The following FSIP2 variants were observed in gnomAD, a reference collection of about 807,000 sequenced individuals.
FSIP2 encodes fibrous sheath-interacting protein 2.
FSIP2 carries 367 observed loss-of-function variants against 510.5 expected under a neutral mutation model. That is an observed-to-expected ratio of 0.72 (90% CI 0.66 to 0.78). FSIP2 has a LOEUF of 0.78. FSIP2 is among the 30% of genes least tolerant of loss of function. The pLI is 0.00. For synonymous variants in FSIP2, 2,601 were observed against 2,732.2 expected (o/e 0.95, Z 1.50); for missense variants, 7,594 against 7,901.7 (o/e 0.96, Z 1.48).
Position 185,762,554 on chromosome 2 carries a change from TCATCATCTTCCTGAC to T in FSIP2, c.1240+539_1240+553del, listed in dbSNP as rs531014903. ...CAAATTTAATACAAAACTCAATTCA[TCATCATCTTCCTGAC>T]CCTTTTATTTCACCCAGGCACAAAA... On this transcript the variant is annotated intron_variant, in intron 11 of 22. Transcript: ENST00000424728. Among the ~76,000 whole-genome samples, 102 of 151,586 alleles carry T rather than the reference TCATCATCTTCCTGAC, an allele frequency of 6.7e-4. 3 individuals carry two copies. In the South Asian group the frequency reaches 0.02, roughly 29 times the overall value.
chr2:185,812,254 G>A (rs1285799475), intron 17 of FSIP2, among the ~76,000 whole-genome samples: 1 of 152,080 alleles, frequency 6.6e-6, no homozygotes, highest in Non-Finnish European at 1.5e-5. Context: ...CCCTAGATGT[G>A]GGACATACAG....
intron 14 of FSIP2, among the ~76,000 whole-genome samples, chr2:185,785,162 C>A (rs1692941398): frequency 6.6e-6 from 1 of 152,028 alleles, no homozygotes; most frequent in South Asian, 2.1e-4. Context: ...TGCAGAATAT[C>A]TAAGAGGAAA....
chr2:185,800,672 A>C lies in FSIP2; in HGVS notation c.11366A>C (p.Gln3789Pro), dbSNP rs1016373871. ...GAGGAAACATCAGCAGAAGAATGTC[A>C]ACTTTTAAAAATGCTTCAAAGTGTA... ...VSEETSAEEC[Q>P]LLKMLQSVED... Residue 3789 changes from glutamine (Q) to proline (P), a missense_variant, in exon 17 of 23, where the codon CAA becomes CCA. Physicochemically the swap from Gln to Pro is moderately conservative, Grantham distance 76. Transcript: ENST00000424728. 1.3e-6 allele frequency: 2 copies of C among 1,534,184 alleles called. No individual in the cohort carries two copies. The highest frequency in any genetic ancestry group is 2.0e-5 in the Admixed American group (1 of 50,844).
chr2:185,750,192 C>T (rs1378036367), intron 7 of FSIP2, among the ~76,000 whole-genome samples: 1 of 151,446 alleles, frequency 6.6e-6, no homozygotes, highest in Non-Finnish European at 1.5e-5. Flanking sequence ...CTATGTATTC[C>T]ATCTTCAGAT....
chr2:185,795,166 CA>C lies in FSIP2; in HGVS notation c.8038del (p.Thr2680HisfsTer3), dbSNP rs755234663. 3.3e-6 allele frequency: 5 copies of C among 1,532,528 alleles called. No individual in the cohort carries two copies. Among genetic ancestry groups the C allele is most frequent in the Non-Finnish European group, 3.5e-6 (4 of 1,145,442 alleles). The allele number at this position is 1,532,528 out of a possible 1,614,324, so 94.9% of individuals were successfully genotyped here. A position where few individuals can be genotyped will look rare whatever the true frequency, so the allele number is the denominator to read the frequency against. ...RSKITTLPKF[T>X]KKTHLGLSAA... is the part of the protein sequence containing the mutation. Reference sequence around the variant, plus strand: ...AAAATTACCACTTTGCCTAAATTTACAAAAAAAACACACTTAGGACTGAGTG... The same window carrying C: ...AAAATTACCACTTTGCCTAAATTTACAAAAAAACACACTTAGGACTGAGTG... On this transcript the variant is annotated frameshift_variant, in exon 16 of 23. Transcript: ENST00000424728. LOFTEE classifies it high-confidence loss of function.
intron 19 of FSIP2, among the ~76,000 whole-genome samples, chr2:185,821,263 G>A (rs896467221): frequency 6.6e-6 from 1 of 151,770 alleles, no homozygotes; most frequent in African/African-American, 2.4e-5. Flanking sequence ...AAACTATAGT[G>A]AACAAATTTA....
chr2:185,808,045 G>A lies in FSIP2; in HGVS notation c.18739G>A (p.Ala6247Thr), dbSNP rs1236565511. Residue 6247 changes from alanine to threonine, a missense_variant, in exon 17 of 23, where the codon GCA (alanine) becomes ACA (threonine). Ala to Thr is a moderately conservative substitution (Grantham distance 58). Coordinates refer to ENST00000424728, the MANE Select transcript of FSIP2 (RefSeq NM_173651.4). ...ESPTVPVADNATIENIVNSIY... is the reference protein window; with the variant it reads ...ESPTVPVADNTTIENIVNSIY... ...ACCTACTGTGCCTGTAGCTGATAAT[G>A]CAACTATTGAAAACATAGTTAATTC... The A allele has an allele frequency of 1.9e-6, 3 of 1,611,034 alleles. No homozygotes were observed. Among genetic ancestry groups the A allele is most frequent in the Non-Finnish European group, 2.5e-6 (3 of 1,178,674 alleles).
chr2:185,812,613 G>A (rs573880744), intron 17 of FSIP2, among the ~76,000 whole-genome samples: 40 of 152,056 alleles, frequency 2.6e-4, no homozygotes, highest in Middle Eastern at 6.8e-3. Flanking sequence ...CTGTTTTAAG[G>A]TACCATAGAT....
At chr2:185,753,925 A>G in intron 8 of FSIP2, 83 bp downstream of exon 8, 1 of 916,186 alleles carries the variant, frequency 1.1e-6, no homozygotes, top group Non-Finnish European at 1.5e-6. Flanking sequence ...TACTCTGTGT[A>G]TTTACACTTG....
Position 185,790,635 on chromosome 2 carries a change from G to A in FSIP2, c.3499G>A (p.Ala1167Thr). 6.5e-7 allele frequency: 1 copy of A among 1,533,964 alleles called. No individual in the cohort carries two copies. Among genetic ancestry groups the A allele is most frequent in the Non-Finnish European group, 8.7e-7 (1 of 1,145,400 alleles). ...TTCTGTTTCAGAAATCAGTACAGTGGCTCAAGAAATAACAGATTCTGTGTT... is the reference window on the plus strand; with the variant it reads ...TTCTGTTTCAGAAATCAGTACAGTGACTCAAGAAATAACAGATTCTGTGTT... ...MFSVSEISTVAQEITDSVLNI... is the reference protein window; with the variant it reads ...MFSVSEISTVTQEITDSVLNI... Residue 1167 changes from alanine to threonine, a missense_variant, in exon 16 of 23, where the codon GCT becomes ACT. Transcript: ENST00000424728.
At chr2:185,766,766 C>T (rs1692493299) in intron 13 of FSIP2, among the ~76,000 whole-genome samples, 1 of 146,242 alleles carries the variant, frequency 6.8e-6, no homozygotes. Flanking sequence ...GTGACGATTC[C>T]TCAGGGATCT....
intron 13 of FSIP2, among the ~76,000 whole-genome samples, chr2:185,768,516 T>A (rs1184087322): frequency 6.6e-6 from 1 of 152,114 alleles, no homozygotes; most frequent in African/African-American, 2.4e-5. Flanking sequence ...ATTGAAAAAA[T>A]TATCTTTCCC....
chr2:185,808,828 T>C lies in FSIP2; in HGVS notation c.19522T>C (p.Leu6508=). ...NVIPELEQEK[L]DQNLSEEESP... ...GATTCCTGAATTAGAGCAAGAAAAG[T>C]TAGATCAAAATTTATCTGAAGAGGA... is the stretch of plus-strand genomic sequence containing the variant. Residue 6508 remains leucine (L), a synonymous_variant, in exon 17 of 23, where the codon TTA becomes CTA. Transcript: ENST00000424728. 6.2e-7 allele frequency: 1 copy of C among 1,612,640 alleles called. No individual in the cohort carries two copies. Among genetic ancestry groups the C allele is most frequent in the Non-Finnish European group, 8.5e-7 (1 of 1,179,362 alleles).
At position 185,801,699 on chromosome 2, in the gene FSIP2, A is replaced by G. The variant is rs1693439140; in HGVS notation, c.12393A>G (p.Ser4131=). 1.3e-6 allele frequency: 2 copies of G among 1,527,488 alleles called. No individual in the cohort carries two copies. The highest frequency in any genetic ancestry group is 4.0e-5 in the Admixed American group (2 of 49,416). 94.6% of individuals were successfully genotyped at this position (1,527,488 alleles called of 1,614,324 possible). The change falls in exon 17 of 23, where the codon TCA becomes TCG. Residue 4131 remains serine (S), a synonymous_variant. Transcript: ENST00000424728. ...AATTTACTTCTCTACCCAGGTCTTCATCAGACTATAGTACCATGTTATCAC... is the reference window on the plus strand; with the variant it reads ...AATTTACTTCTCTACCCAGGTCTTCGTCAGACTATAGTACCATGTTATCAC... ...LTEFTSLPRS[S]SDYSTMLSHS...
At position 185,801,246 on chromosome 2, in the gene FSIP2, T is replaced by G. The variant is rs1182313273; in HGVS notation, c.11940T>G (p.Ile3980Met). The change falls in exon 17 of 23, where the codon ATT becomes ATG. Residue 3980 changes from isoleucine (I) to methionine (M), a missense_variant. Transcript: ENST00000424728. ...CAGCCACATTTTTGGAAGGAATAAT[T>G]TCAGAATTGTTTTTTAATCTCTCTA... Reference protein sequence around the residue: ...VYSATFLEGIISELFFNLSMS... With the variant: ...VYSATFLEGIMSELFFNLSMS... 1.3e-6 allele frequency: 2 copies of G among 1,534,170 alleles called. No individual in the cohort carries two copies. Among genetic ancestry groups the G allele is most frequent in the East Asian group, 4.9e-5 (2 of 40,828 alleles).
At position 185,794,531 on chromosome 2, in the gene FSIP2, G is replaced by C. The variant is rs1308873683; in HGVS notation, c.7395G>C (p.Leu2465Phe). ...AAAACAAAAGGCAGATAATTGTTTT[G>C]GAAGAAATATTTATGAGAAATGGAG... The part of the protein sequence containing the change: ...ILENKRQIIV[L>F]EEIFMRNGES... The change falls in exon 16 of 23, where the codon TTG becomes TTC. Residue 2465 changes from leucine (L) to phenylalanine (F), a missense_variant. Leu to Phe is a conservative substitution (Grantham distance 22). Transcript: ENST00000424728. 6.5e-7 allele frequency: 1 copy of C among 1,529,540 alleles called. No homozygotes were observed. Among genetic ancestry groups the C allele is most frequent in the Admixed American group, 2.0e-5 (1 of 49,944 alleles). 94.7% of individuals were successfully genotyped at this position (1,529,540 alleles called of 1,614,324 possible).
intron 19 of FSIP2, among the ~76,000 whole-genome samples, chr2:185,820,651 G>A (rs1693898746): frequency 6.6e-6 from 1 of 151,214 alleles, no homozygotes; most frequent in Admixed American, 6.6e-5. Context: ...AAATTACAAT[G>A]GGATAAAACT....
At chr2:185,813,249 G>A (rs1425137364) in intron 17 of FSIP2, among the ~76,000 whole-genome samples, 1 of 151,874 alleles carries the variant, frequency 6.6e-6, no homozygotes, top group East Asian at 1.9e-4. Context: ...AACTTTCAAG[G>A]TACATGACTA....
chr2:185,802,608 A>T lies in FSIP2; in HGVS notation c.13302A>T (p.Ser4434=). 4.6e-6 allele frequency: 7 copies of T among 1,533,506 alleles called. No individual in the cohort carries two copies. The highest frequency in any genetic ancestry group is 6.1e-6 in the Non-Finnish European group (7 of 1,145,264). 95.0% of individuals were successfully genotyped at this position (1,533,506 alleles called of 1,614,324 possible). The change falls in exon 17 of 23, where the codon TCA becomes TCT. Residue 4434 remains serine (S), a synonymous_variant. Transcript: ENST00000424728. ...TTTCAGCTTCTACCTATTCTAATTCAGTGGCTGAGAATATTGTTCAGGACA... is the reference window on the plus strand; with the variant it reads ...TTTCAGCTTCTACCTATTCTAATTCTGTGGCTGAGAATATTGTTCAGGACA... ...GDFSASTYSN[S]VAENIVQDIL... is the part of the protein sequence containing the mutation.
Sources: allele counts gnomAD v4.1 joint callset (sites outside exome capture counted in the v4.1 genomes callset), GRCh38; gene constraint gnomAD v4.1.1; transcripts MANE v1.5; gene names NCBI Gene and HGNC (gene_info 2026-07-23, HGNC 2026-07-21).